The following GPS1 variants were observed in gnomAD, a reference collection of about 807,000 sequenced individuals.
The protein encoded by GPS1 is G protein pathway suppressor 1.
In GPS1, 11 loss-of-function variants were observed where a neutral mutation model predicts 60.0. That is an observed-to-expected ratio of 0.18 (90% confidence interval 0.12 to 0.30). The LOEUF (loss-of-function observed/expected upper bound fraction) is 0.30, where lower values mean the gene tolerates loss of function less well. GPS1 is among the 10% of genes least tolerant of loss of function. GPS1 has a pLI of 1.00. For missense variants in GPS1, 543 were observed against 669.2 expected (o/e 0.81, Z 2.08); for synonymous variants, 343 against 269.8 (o/e 1.27, Z -2.66).
chr17:82,056,424 G>A (rs747314861), intron 9 of GPS1, 33 bp downstream of exon 9: 7 of 1,612,444 alleles, frequency 4.3e-6, no homozygotes, highest in Non-Finnish European at 5.9e-6. Context: ...GTGAGGTGGG[G>A]CCCTGCCTGG....
In GPS1 at chr17:82,057,303, T is replaced by C. The variant is rs570009667; in HGVS notation, c.*176T>C. ...GGCAGGCGGCTGCTAGTTGTGGCCC[T>C]TCCTGGAAGGAGAGGCCTGCAGGGC... On this transcript the variant is annotated 3_prime_UTR_variant, in exon 13 of 13. Transcript: ENST00000578552. 2 of 848,894 alleles carry C rather than the reference T, an allele frequency of 2.4e-6. No homozygotes were observed. Among genetic ancestry groups the C allele is most frequent in the African/African-American group, 1.7e-5 (1 of 59,788 alleles). The allele number at this position is 848,894 out of a possible 1,614,324, so 52.6% of individuals were successfully genotyped here.
At chr17:82,051,489 G>A (rs1246055295), upstream of GPS1, 9 of 1,370,058 alleles carry the variant, frequency 6.6e-6, no homozygotes, top group South Asian at 7.0e-5. The surrounding 1 kb of genome is among the most constrained non-coding windows in gnomAD (Gnocchi z 4.1). Flanking sequence ...CGGGGTCGGG[G>A]TCCGGCGCAC....
At position 82,054,908 on chromosome 17, in the gene GPS1, A is replaced by T; in HGVS notation, c.620A>T (p.Tyr207Phe). Reference protein sequence around the residue: ...MCLNVIKVSVYLQNWSHVLSY... With the variant: ...MCLNVIKVSVFLQNWSHVLSY... ...GCGCCCCCCCGCCAGGTCAGCGTCT[A>T]CTTGCAGAATTGGTCTCATGTGCTC... The change falls in exon 5 of 13, where the codon TAC (tyrosine) becomes TTC (phenylalanine). Residue 207 changes from tyrosine to phenylalanine, a missense_variant. Physicochemically the swap from Tyr to Phe is conservative, Grantham distance 22 (BLOSUM62 3). Transcript: ENST00000578552. The T allele has an allele frequency of 6.3e-7, 1 of 1,592,538 alleles. No individual in the cohort carries two copies. The highest frequency in any genetic ancestry group is 8.6e-7 in the Non-Finnish European group (1 of 1,166,218).
At chr17:82,054,848 C>T in intron 4 of GPS1, 38 bp downstream of exon 4, 3 of 1,573,932 alleles carry the variant, frequency 1.9e-6, no homozygotes, top group Non-Finnish European at 2.6e-6. Context: ...GGCAGCATGG[C>T]TGGGCCATTG....
intron 1 of GPS1, chr17:82,053,058 CT>C (rs761537641): frequency 2.8e-5 from 11 of 399,448 alleles, no homozygotes; most frequent in Non-Finnish European, 4.4e-5. Flanking sequence ...GCCTTAGAGT[CT>C]TGTGAGGAGA....
At chr17:82,052,474 A>T (rs1446566139) in intron 1 of GPS1, 1 of 1,604,982 alleles carries the variant, frequency 6.2e-7, no homozygotes, top group East Asian at 2.2e-5. Context: ...CTTCCAGGAC[A>T]GGGACCCCCG....
rs779064058 is a variant in GPS1, at chr17:82,056,298, G to A, written c.942G>A (p.Leu314=). The change falls in exon 9 of 13, where the codon TTG becomes TTA. Residue 314 remains leucine (L), a synonymous_variant. Transcript: ENST00000578552. ...TCTGCCTCACCAGCTCCTTCAAGTT[G>A]TTCTTGGAGCTGGAGCCACAGGTCC... ...RNVISSSSFK[L]FLELEPQVRD... 3.1e-6 allele frequency: 5 copies of A among 1,609,894 alleles called. No homozygotes were observed. Among genetic ancestry groups the A allele is most frequent in the South Asian group, 1.1e-5 (1 of 91,004 alleles).
Position 82,057,153 on chromosome 17 carries a change from T to A in GPS1, c.*26T>A, listed in dbSNP as rs1343305167. On this transcript the variant is annotated 3_prime_UTR_variant, in exon 13 of 13. Transcript: ENST00000578552. Reference sequence around the variant, plus strand: ...GGGGTGAACCTTGGCCTCCAGGACATCTGCACCCCCTCCCCACCTCCACGG... The same window carrying A: ...GGGGTGAACCTTGGCCTCCAGGACAACTGCACCCCCTCCCCACCTCCACGG... 5.7e-6 allele frequency: 9 copies of A among 1,568,262 alleles called. No individual in the cohort carries two copies. Among genetic ancestry groups the A allele is most frequent in the Non-Finnish European group, 6.9e-6 (8 of 1,154,764 alleles).
rs1336948836 is a variant in GPS1 at position 82,053,330 on chromosome 17, A to G, written c.90A>G (p.Ala30=). ...ACCCCCAGGAAGACCCGCAGAATGC[A>G]CCTGACGTCAACTACGTGGTGGAGA... ...DVDPQEDPQN[A]PDVNYVVENP... The change falls in exon 2 of 13, where the codon GCA becomes GCG. Residue 30 remains alanine, a synonymous_variant. Coordinates refer to ENST00000578552, the MANE Select transcript of GPS1 (RefSeq NM_001321092.3). 1 of 1,540,568 alleles carries G rather than the reference A, an allele frequency of 6.5e-7. No homozygotes were observed. Among genetic ancestry groups the G allele is most frequent in the South Asian group, 1.2e-5 (1 of 80,334 alleles).
At chr17:82,055,924 A>G in intron 7 of GPS1, 77 bp from the exon 8 acceptor site, 2 of 1,439,472 alleles carry the variant, frequency 1.4e-6, no homozygotes, top group Non-Finnish European at 1.9e-6. Context: ...GGTCTTAGGC[A>G]TTCTCCGAGC....
At chr17:82,051,640 G>T (rs1435137340), upstream of GPS1, 1 of 1,087,588 alleles carries the variant, frequency 9.2e-7, no homozygotes, top group Non-Finnish European at 1.1e-6. This position sits in a 1 kb window ranked among gnomAD's most constrained non-coding sequence, Gnocchi z 4.1. Flanking sequence ...GGCGCGCGCG[G>T]GGCCGGGGCG....
chr17:82,051,235 G>A (rs944441427), upstream of GPS1: 45 of 1,321,812 alleles, frequency 3.4e-5, no homozygotes, highest in Non-Finnish European at 4.4e-5. The surrounding 1 kb of genome is among the most constrained non-coding windows in gnomAD (Gnocchi z 4.1). Flanking sequence ...CCGTGGCTTC[G>A]GAGCGAGAAA....
At chr17:82,053,741 G>A (rs923465195) in intron 2 of GPS1, 127 bp from the exon 3 acceptor site, 17 of 914,384 alleles carry the variant, frequency 1.9e-5, no homozygotes, top group Non-Finnish European at 2.6e-5. Flanking sequence ...CCCCATGCCC[G>A]GTTCTGGTTA....
upstream of GPS1, chr17:82,051,862 C>G: frequency 8.7e-7 from 1 of 1,152,936 alleles, no homozygotes; most frequent in Non-Finnish European, 1.1e-6. The surrounding 1 kb of genome is among the most constrained non-coding windows in gnomAD (Gnocchi z 4.1). Flanking sequence ...CCCGCCCCGC[C>G]CCGCGCCCCG....
At chr17:82,054,096 C>T (rs748645087) in intron 3 of GPS1, 47 bp downstream of exon 3, 22 of 1,549,062 alleles carry the variant, frequency 1.4e-5, no homozygotes, top group African/African-American at 2.7e-5. Context: ...ACCAAGGGAG[C>T]GCGGGTGTCT....
chr17:82,052,140 C>A, intron 1 of GPS1, 176 bp downstream of exon 1: 1 of 1,000,718 alleles, frequency 1.0e-6, no homozygotes, highest in Non-Finnish European at 1.3e-6. Flanking sequence ...GCGTCTCCGC[C>A]GTGGCTGCGC....
chr17:82,052,705 G>A, intron 1 of GPS1: 1 of 548,280 alleles, frequency 1.8e-6, no homozygotes. Context: ...TTTCCAGCCT[G>A]CTTTGTGTTA....
At position 82,054,629 on chromosome 17, in the gene GPS1, C is replaced by T; in HGVS notation, c.428C>T (p.Thr143Ile). The change falls in exon 4 of 13, where the codon ACA (threonine) becomes ATA (isoleucine). Residue 143 changes from threonine to isoleucine, a missense_variant. Around this residue, in one of 3 missense-constraint regions of GPS1, gnomAD observed 71 missense variants for 126.7 expected, o/e 0.56. Coordinates refer to ENST00000578552, the MANE Select transcript of GPS1 (RefSeq NM_001321092.3). ...KALLKLEKLD[T>I]DLKNYKGNSI... Reference sequence around the variant, plus strand: ...CTGCTGAAGCTGGAGAAGCTGGACACAGACCTGAAGAACTACAAGGGCAAC... The same window carrying T: ...CTGCTGAAGCTGGAGAAGCTGGACATAGACCTGAAGAACTACAAGGGCAAC... The T allele has an allele frequency of 6.2e-7, 1 of 1,609,912 alleles. No individual in the cohort carries two copies. Among genetic ancestry groups the T allele is most frequent in the Non-Finnish European group, 8.5e-7 (1 of 1,179,568 alleles).
chr17:82,056,256 G>A, intron 8 of GPS1, 30 bp from the exon 9 acceptor site: 2 of 1,500,532 alleles, frequency 1.3e-6, no homozygotes, highest in Non-Finnish European at 1.9e-6. Flanking sequence ...GCAGGCAGAG[G>A]ACAGAGTTCT....
Sources: gnomAD v4.1 joint callset for allele counts on GRCh38, gnomAD v4.1.1 for gene constraint, gnomAD v4.1.1 regional missense constraint, Gnocchi (gnomAD v3.1) non-coding constraint, MANE v1.5 for transcripts, NCBI Gene and HGNC (gene_info 2026-07-23, HGNC 2026-07-21) for gene names.